The following LAMA3 variants were observed in gnomAD, a reference collection of about 807,000 sequenced individuals.
LAMA3 encodes laminin subunit alpha-3.
LAMA3 carries 281 observed loss-of-function variants against 402.0 expected under a neutral mutation model. The observed-to-expected ratio is 0.70, with a 90% confidence interval of 0.63 to 0.77. LAMA3 has a LOEUF of 0.77. LAMA3 is among the 30% of genes least tolerant of loss of function. LAMA3 has a pLI of 0.00. For synonymous variants in LAMA3, 1,431 were observed against 1,558.4 expected (o/e 0.92, Z 1.93); for missense variants, 3,840 against 4,215.5 (o/e 0.91, Z 2.47).
At chr18:23,792,376 T>C (rs994717849) in intron 12 of LAMA3, among the ~76,000 whole-genome samples, 3 of 152,090 alleles carry the variant, frequency 2.0e-5, no homozygotes, top group African/African-American at 4.8e-5. Context: ...GAGCAGTAAG[T>C]GAGCATGTGC....
chr18:23,765,073 C>G (rs1487232763), intron 8 of LAMA3, among the ~76,000 whole-genome samples: 1 of 152,178 alleles, frequency 6.6e-6, no homozygotes, highest in Admixed American at 6.5e-5. Flanking sequence ...GGAGCTGCAA[C>G]TTGGCAAAAC....
chr18:23,801,864 C>T (rs933416622), intron 12 of LAMA3, among the ~76,000 whole-genome samples: 15 of 152,128 alleles, frequency 9.9e-5, no homozygotes, highest in African/African-American at 3.4e-4. Flanking sequence ...TATTTATATC[C>T]TTTGCCCACT....
chr18:23,897,780 A>C (rs983536250), intron 44 of LAMA3, among the ~76,000 whole-genome samples: 5 of 152,258 alleles, frequency 3.3e-5, no homozygotes, highest in Admixed American at 2.6e-4. Context: ...GCGAAAATTA[A>C]GAAAGATTAC....
At chr18:23,793,610 G>T (rs146460768) in intron 12 of LAMA3, among the ~76,000 whole-genome samples, 338 of 151,780 alleles carry the variant, frequency 2.2e-3, no homozygotes, top group African/African-American at 7.8e-3. Context: ...GAACAATTGT[G>T]TGGGGAAAAA....
At chr18:23,698,660 A>G (rs2060732580) in intron 1 of LAMA3, among the ~76,000 whole-genome samples, 1 of 152,260 alleles carries the variant, frequency 6.6e-6, no homozygotes, top group African/African-American at 2.4e-5. Flanking sequence ...CTTAAAGTAG[A>G]TTCCAATCAA....
Position 23,748,014 on chromosome 18 carries a change from A to T in LAMA3, c.519A>T (p.Arg173Ser), listed in dbSNP as rs760763985. ...GCCCTGATCTTTGGGTCTTGGAAAG[A>T]TCTGTAGACTTTGGAAGCACCTACT... ...SPRPDLWVLE[R>S]SVDFGSTYSP... Residue 173 changes from arginine (R) to serine (S), a missense_variant, in exon 3 of 75, where the codon AGA (arginine) becomes AGT (serine). This residue lies in a region of LAMA3 where 2,109 missense variants were observed against 2,376.0 expected (regional missense o/e 0.89). Coordinates refer to ENST00000313654, the MANE Select transcript of LAMA3 (RefSeq NM_198129.4). The T allele has an allele frequency of 1.2e-6, 2 of 1,613,704 alleles. No homozygotes were observed. The highest frequency in any genetic ancestry group is 1.7e-6 in the Non-Finnish European group (2 of 1,179,558).
intron 22 of LAMA3, 77 bp downstream of exon 22, chr18:23,826,876 G>A: frequency 1.2e-6 from 1 of 825,868 alleles, no homozygotes; most frequent in Non-Finnish European, 2.1e-6. Flanking sequence ...GCTTTCATGA[G>A]GTGTCTCAGG....
intron 1 of LAMA3, among the ~76,000 whole-genome samples, chr18:23,712,484 G>T (rs2061011406): frequency 6.6e-6 from 1 of 151,226 alleles, no homozygotes; most frequent in East Asian, 1.9e-4. Context: ...TTATTCCTTG[G>T]TTGAGTTTCT....
At position 23,810,761 on chromosome 18, in the gene LAMA3, T is replaced by C. The variant is rs578066676; in HGVS notation, c.1741+258T>C. On this transcript the variant is annotated intron_variant, in intron 13 of 74. Transcript: ENST00000313654. ...TGTAAATTTCCATGTGCTATACATG[T>C]GGGTTTCTTGGTTCACATGTCAGTT... Among the ~76,000 whole-genome samples the C allele has an allele frequency of 2.6e-5, 4 of 152,194 alleles. No homozygotes were observed. In the South Asian group the frequency reaches 6.2e-4, roughly 24 times the overall value.
At position 23,753,830 on chromosome 18, in the gene LAMA3, A is replaced by AT; in HGVS notation, c.947+25dup. On this transcript the variant is annotated intron_variant, in intron 6 of 74. Coordinates refer to ENST00000313654, the MANE Select transcript of LAMA3 (RefSeq NM_198129.4). ...GAAAAACTGTAAGTACACTGTACAG[A>AT]TTTTTTTCAGCCTTACTATGATTAA... The AT allele has an allele frequency of 6.5e-7, 1 of 1,544,254 alleles. No homozygotes were observed. The highest frequency in any genetic ancestry group is 9.0e-7 in the Non-Finnish European group (1 of 1,116,612).
chr18:23,821,889 C>A (rs773209488), intron 19 of LAMA3, among the ~76,000 whole-genome samples: 1 of 152,136 alleles, frequency 6.6e-6, no homozygotes, highest in African/African-American at 2.4e-5. Flanking sequence ...TTCTCTTCTG[C>A]CTTTTTATTT....
At chr18:23,891,861 C>T (rs2080680831) in intron 42 of LAMA3, among the ~76,000 whole-genome samples, 2 of 152,140 alleles carry the variant, frequency 1.3e-5, no homozygotes, top group Non-Finnish European at 2.9e-5. Context: ...CATGTAAGTC[C>T]TCACGTGAGA....
At chr18:23,876,023 T>C (rs953459089) in intron 38 of LAMA3, among the ~76,000 whole-genome samples, 1 of 152,188 alleles carries the variant, frequency 6.6e-6, no homozygotes, top group African/African-American at 2.4e-5. Context: ...GAAAAATGTA[T>C]GCCTCAGCCG....
intron 12 of LAMA3, among the ~76,000 whole-genome samples, chr18:23,785,699 T>C (rs2062530663): frequency 6.6e-6 from 1 of 152,178 alleles, no homozygotes; most frequent in African/African-American, 2.4e-5. Context: ...CCCAAACCTT[T>C]CCTTTACCTG....
intron 66 of LAMA3, among the ~76,000 whole-genome samples, chr18:23,933,576 C>T (rs2082226874): frequency 6.6e-6 from 1 of 152,112 alleles, no homozygotes; most frequent in Non-Finnish European, 1.5e-5. Flanking sequence ...TTAAATTATA[C>T]AATAAATCAT....
chr18:23,764,531 T>C (rs1197319060), intron 8 of LAMA3, among the ~76,000 whole-genome samples: 3 of 152,176 alleles, frequency 2.0e-5, no homozygotes, highest in Non-Finnish European at 4.4e-5. Context: ...ATATTATGTT[T>C]TGTACTTTGC....
At chr18:23,758,359 T>G in intron 6 of LAMA3, 37 bp from the exon 7 acceptor site, 1 of 1,541,064 alleles carries the variant, frequency 6.5e-7, no homozygotes, top group South Asian at 1.1e-5. Flanking sequence ...CATCAAAACT[T>G]TTCAATAACT....
At chr18:23,849,672 G>A (rs1309838587) in intron 32 of LAMA3, among the ~76,000 whole-genome samples, 1 of 152,176 alleles carries the variant, frequency 6.6e-6, no homozygotes. Flanking sequence ...TTAACAAACT[G>A]TCACTGCCAA....
rs148831718 is a variant in LAMA3 at position 23,907,896 on chromosome 18, G to A, written c.6976G>A (p.Glu2326Lys). Residue 2326 changes from glutamate to lysine, a missense_variant, in exon 54 of 75, where the codon GAA becomes AAA. Glu to Lys is a moderately conservative substitution (Grantham distance 56). This residue lies in a region of LAMA3 where 891 missense variants were observed against 857.5 expected (regional missense o/e 1.04). Coordinates refer to ENST00000313654, the MANE Select transcript of LAMA3 (RefSeq NM_198129.4). Reference protein sequence around the residue: ...IKDTYGRTQNEDFKKALTDAD... With the variant: ...IKDTYGRTQNKDFKKALTDAD... ...GGACACCTATGGGAGGACACAGAAC[G>A]AAGACTTCAAAAAGGCTCTGACTGA... The A allele has an allele frequency of 9.3e-6, 15 of 1,613,988 alleles. No individual in the cohort carries two copies. The highest frequency in any genetic ancestry group is 1.3e-5 in the Non-Finnish European group (15 of 1,180,004).
Sources: allele counts gnomAD v4.1 joint callset (sites outside exome capture counted in the v4.1 genomes callset), GRCh38; gene constraint gnomAD v4.1.1; regional missense constraint gnomAD v4.1.1; transcripts MANE v1.5; gene names NCBI Gene and HGNC (gene_info 2026-07-23, HGNC 2026-07-21).